NSD3: variants seen among roughly 807,000 people sequenced by gnomAD.
NSD3 encodes nuclear receptor binding SET domain protein 3, also known as histone-lysine N-methyltransferase NSD3.
NSD3 carries 24 observed loss-of-function variants against 160.8 expected under a neutral mutation model. That is an observed-to-expected ratio of 0.15 (90% CI 0.11 to 0.21). The LOEUF is 0.21. Among genes scored for constraint, NSD3 ranks in the 10% least tolerant of loss-of-function variants. The pLI, the probability that NSD3 is intolerant of heterozygous loss-of-function variation, is 1.00. For synonymous variants in NSD3, 520 were observed against 600.0 expected, an observed-to-expected ratio of 0.87 and a Z score of 1.95; for missense variants, 1,157 against 1,735.9, an observed-to-expected ratio of 0.67 and a Z score of 5.93.
In NSD3 at chr8:38,329,697, C is replaced by T. The variant is rs763425861; in HGVS notation, c.1262G>A (p.Arg421Gln). ...ASKTEVKKTRRPRSVLNTQPE... is the reference protein window; with the variant it reads ...ASKTEVKKTRQPRSVLNTQPE... ...CTGAGTATTCAGCACAGATCTTGGTCGTCGGGTTTTTTTAACTTCGGTTTT... is the reference window on the plus strand; with the variant it reads ...CTGAGTATTCAGCACAGATCTTGGTTGTCGGGTTTTTTTAACTTCGGTTTT... The change falls in exon 6 of 24, where the codon CGA (arginine) becomes CAA (glutamine). Residue 421 changes from arginine (R) to glutamine (Q), a missense_variant. By Grantham distance (43) the Arg-to-Gln change is conservative. Around this residue, in one of 10 missense-constraint regions of NSD3, gnomAD observed 168 missense variants for 208.1 expected, o/e 0.81. Coordinates refer to ENST00000317025, the MANE Select transcript of NSD3 (RefSeq NM_023034.2). This position sits in a 1 kb window ranked among gnomAD's most constrained non-coding sequence, Gnocchi z 4.8. The T allele has an allele frequency of 4.3e-6, 7 of 1,614,040 alleles. No individual in the cohort carries two copies. In the African/African-American group the frequency reaches 9.3e-5, roughly 22 times the overall value.
chr8:38,285,084 T>C (rs1808828018), intron 19 of NSD3, among the ~76,000 whole-genome samples: 1 of 152,040 alleles, frequency 6.6e-6, no homozygotes, highest in East Asian at 1.9e-4. Flanking sequence ...AGATCTGTCC[T>C]GAAAGACCGC....
In NSD3 at chr8:38,318,194, G is replaced by C. The variant is rs1809713041; in HGVS notation, c.1855+701C>G. 6.6e-6 allele frequency among the ~76,000 whole-genome samples: 1 copy of C among 151,936 alleles called. No individual in the cohort carries two copies. ...AGACCATCGCTGCAGACTTCTCCCCGAGAATGCAGAGAGGCTGTTGTTTTA... is the reference window on the plus strand; with the variant it reads ...AGACCATCGCTGCAGACTTCTCCCCCAGAATGCAGAGAGGCTGTTGTTTTA... On this transcript the variant is annotated intron_variant, in intron 9 of 23. Coordinates refer to ENST00000317025, the MANE Select transcript of NSD3 (RefSeq NM_023034.2). The surrounding 1 kb of genome is among the most constrained non-coding windows in gnomAD (Gnocchi z 5.3).
chr8:38,282,325 C>A (rs1808750088), intron 19 of NSD3, among the ~76,000 whole-genome samples: 1 of 152,234 alleles, frequency 6.6e-6, no homozygotes, highest in African/African-American at 2.4e-5. Flanking sequence ...TCATCTCATC[C>A]TAACCCCTGG....
chr8:38,362,805 T>C (rs529362540), intron 1 of NSD3, among the ~76,000 whole-genome samples: 3 of 152,366 alleles, frequency 2.0e-5, no homozygotes, highest in African/African-American at 7.2e-5. Flanking sequence ...ACATTCACTA[T>C]GAACAGCGTA....
intron 4 of NSD3, chr8:38,336,031 A>C (rs1443382645): frequency 6.6e-6 from 1 of 152,222 alleles, no homozygotes; most frequent in East Asian, 1.9e-4. Flanking sequence ...GGCCTTCTAT[A>C]CTGGGAGAGA....
intron 16 of NSD3, among the ~76,000 whole-genome samples, 162 bp downstream of exon 16, chr8:38,295,634 C>G (rs1809116934): frequency 6.6e-6 from 1 of 151,874 alleles, no homozygotes; most frequent in Non-Finnish European, 1.5e-5. Flanking sequence ...CTTCCCAACC[C>G]CTTAAGAACC....
intron 2 of NSD3, among the ~76,000 whole-genome samples, chr8:38,347,127 T>C (rs947779751): frequency 3.3e-5 from 5 of 152,222 alleles, no homozygotes; most frequent in African/African-American, 9.6e-5. Flanking sequence ...ATCTAAGCTC[T>C]ACTGGAAAAA....
intron 7 of NSD3, among the ~76,000 whole-genome samples, chr8:38,326,286 G>T (rs959127016): frequency 6.6e-6 from 1 of 152,186 alleles, no homozygotes; most frequent in African/African-American, 2.4e-5. Flanking sequence ...AGGACAATTA[G>T]GCTCTAGGCC....
chr8:38,331,252 A>G (rs1810053627), intron 5 of NSD3, among the ~76,000 whole-genome samples, 179 bp downstream of exon 5: 1 of 152,226 alleles, frequency 6.6e-6, no homozygotes, highest in Non-Finnish European at 1.5e-5. Flanking sequence ...TATATGACAT[A>G]TAAAACTCAT....
In NSD3 at chr8:38,290,625, C is replaced by T. The variant is rs1394362435; in HGVS notation, c.2968G>A (p.Gly990Ser). 6.8e-6 allele frequency: 11 copies of T among 1,613,766 alleles called. No homozygotes were observed. The highest frequency in any genetic ancestry group is 9.3e-6 in the Non-Finnish European group (11 of 1,179,876). ...AAGTCCCCCAAGTCATGTTTAAGGC[C>T]CTGGATGTTCAGTGGCACAGACCTG... ...NPRSVPLNIQ[G>S]LKHDLGDFPV... Residue 990 changes from glycine to serine, a missense_variant, in exon 17 of 24, where the codon GGC (glycine) becomes AGC (serine). Gly to Ser is a moderately conservative substitution (Grantham distance 56). This residue lies in a region of NSD3 where 437 missense variants were observed against 576.6 expected (regional missense o/e 0.76). Transcript: ENST00000317025.
chr8:38,315,317 A>C (rs1809631213), intron 11 of NSD3, 99 bp downstream of exon 11: 4 of 1,336,242 alleles, frequency 3.0e-6, no homozygotes, highest in Non-Finnish European at 3.9e-6. Flanking sequence ...ATATCATAAT[A>C]ATTTGGAAAC....
At chr8:38,324,842 A>C (rs113801118) in intron 7 of NSD3, among the ~76,000 whole-genome samples, 1 of 152,128 alleles carries the variant, frequency 6.6e-6, no homozygotes, top group African/African-American at 2.4e-5. Context: ...AGCCTCCATA[A>C]AAATCCCTGA....
intron 1 of NSD3, among the ~76,000 whole-genome samples, chr8:38,366,365 A>C (rs931774882): frequency 6.6e-6 from 1 of 151,948 alleles, no homozygotes; most frequent in African/African-American, 2.4e-5. Context: ...AAACACACAA[A>C]TATAGTAATC....
At chr8:38,286,655 C>A (rs1389155291) in intron 19 of NSD3, among the ~76,000 whole-genome samples, 1 of 152,216 alleles carries the variant, frequency 6.6e-6, no homozygotes, top group Non-Finnish European at 1.5e-5. Context: ...AGATGTTCCC[C>A]ATCCCATGGC....
At chr8:38,293,135 C>CAAAAAA (rs1005050554) in intron 16 of NSD3, among the ~76,000 whole-genome samples, 8 of 68,368 alleles carry the variant, frequency 1.2e-4, no homozygotes, top group Middle Eastern at 7.5e-3. Flanking sequence ...GACTTTGTCT[C>CAAAAAA]AAAAAAAAAA....
intron 1 of NSD3, among the ~76,000 whole-genome samples, chr8:38,352,034 A>G (rs200644425): frequency 4.0e-5 from 6 of 151,892 alleles, no homozygotes; most frequent in Non-Finnish European, 8.8e-5. Flanking sequence ...AAAAAAAAAA[A>G]GGATCCTGAG....
chr8:38,309,493 A>T (rs1417457320), intron 12 of NSD3, among the ~76,000 whole-genome samples: 1 of 152,036 alleles, frequency 6.6e-6, no homozygotes, highest in Non-Finnish European at 1.5e-5. Context: ...AATTAATTAA[A>T]TAAAAAGCTA....
chr8:38,356,774 T>A (rs1810834318), intron 1 of NSD3, among the ~76,000 whole-genome samples: 1 of 152,164 alleles, frequency 6.6e-6, no homozygotes, highest in Non-Finnish European at 1.5e-5. Context: ...TTTCTATGTT[T>A]AAAATGCCAG....
chr8:38,358,560 T>G (rs972537720), intron 1 of NSD3, among the ~76,000 whole-genome samples: 1 of 152,178 alleles, frequency 6.6e-6, no homozygotes, highest in Non-Finnish European at 1.5e-5. Context: ...TAAAAAAATT[T>G]TTTTTAAGAT....
Sources: allele counts gnomAD v4.1 joint callset (sites outside exome capture counted in the v4.1 genomes callset), GRCh38; gene constraint gnomAD v4.1.1; regional missense constraint gnomAD v4.1.1; non-coding constraint Gnocchi (gnomAD v3.1); transcripts MANE v1.5; gene names NCBI Gene and HGNC (gene_info 2026-07-23, HGNC 2026-07-21).